Variants in BRINP3 observed in about 807,000 individuals in gnomAD.
The protein encoded by BRINP3 is BMP/retinoic acid-inducible neural-specific protein 3.
BRINP3 carries 19 observed loss-of-function variants against 71.0 expected under a neutral mutation model. That is an observed-to-expected ratio of 0.27 (90% confidence interval 0.19 to 0.39). The LOEUF (loss-of-function observed/expected upper bound fraction) is 0.39. BRINP3 is among the 10% of genes least tolerant of loss of function. BRINP3 has a pLI of 1.00. For missense variants in BRINP3, 959 were observed against 940.8 expected, an observed-to-expected ratio of 1.02 and a Z score of -0.25; for synonymous variants, 380 against 337.7, an observed-to-expected ratio of 1.13 and a Z score of -1.37.
At chr1:190,257,117 G>A (rs551545725) in intron 4 of BRINP3, among the ~76,000 whole-genome samples, 32 of 152,254 alleles carry the variant, frequency 2.1e-4, no homozygotes, top group African/African-American at 7.2e-4. Context: ...TCAGTTTCAC[G>A]TACACCAATC....
intron 4 of BRINP3, among the ~76,000 whole-genome samples, chr1:190,253,097 G>T (rs1007051234): frequency 3.3e-5 from 5 of 152,102 alleles, no homozygotes; most frequent in Non-Finnish European, 7.3e-5. Context: ...TCCCTGCAAA[G>T]GACATGAACT....
In BRINP3 at chr1:190,433,944, T is replaced by A. The variant is rs540866800; in HGVS notation, c.236+20711A>T. On this transcript the variant is annotated intron_variant, in intron 2 of 7. Transcript: ENST00000367462. ...AATATGAGCTACAGAAAGTTCTCTA[T>A]TATCCCCACCCCGGTTTTCTGCGAA... Among the ~76,000 whole-genome samples the A allele has an allele frequency of 1.8e-4, 28 of 152,228 alleles. No homozygotes were observed. The South Asian group carries it at 5.8e-3, about 32-fold the overall frequency.
chr1:190,163,222 G>A (rs1369683720), intron 6 of BRINP3, among the ~76,000 whole-genome samples: 1 of 151,966 alleles, frequency 6.6e-6, no homozygotes, highest in African/African-American at 2.4e-5. Context: ...AATTGTTAGG[G>A]ATGCCAGATA....
chr1:190,403,027 G>A (rs1183211250), intron 2 of BRINP3, among the ~76,000 whole-genome samples: 4 of 152,014 alleles, frequency 2.6e-5, no homozygotes, highest in South Asian at 2.1e-4. Flanking sequence ...TATCTTGTCC[G>A]GCAAAACTTC....
chr1:190,349,748 G>C (rs888373326), intron 2 of BRINP3, among the ~76,000 whole-genome samples: 5 of 152,064 alleles, frequency 3.3e-5, no homozygotes, highest in Admixed American at 3.3e-4. Context: ...AATATGAAAA[G>C]TAAGGATTTC....
At chr1:190,276,570 C>G (rs548940340) in intron 3 of BRINP3, among the ~76,000 whole-genome samples, 2 of 151,534 alleles carry the variant, frequency 1.3e-5, no homozygotes, top group African/African-American at 4.8e-5. Context: ...CACACACACA[C>G]ACACACAATA....
chr1:190,467,530 T>C (rs1342243687), intron 1 of BRINP3, among the ~76,000 whole-genome samples: 1 of 151,496 alleles, frequency 6.6e-6, no homozygotes, highest in Non-Finnish European at 1.5e-5. Flanking sequence ...TTAGAAAACC[T>C]TAGCACAACT....
intron 6 of BRINP3, among the ~76,000 whole-genome samples, chr1:190,194,647 T>G (rs1654323995): frequency 6.6e-6 from 1 of 152,058 alleles, no homozygotes; most frequent in African/African-American, 2.4e-5. Context: ...TTTTTCCTAT[T>G]TACTATTGTT....
At chr1:190,341,960 T>A (rs1424662302) in intron 2 of BRINP3, among the ~76,000 whole-genome samples, 2 of 151,584 alleles carry the variant, frequency 1.3e-5, no homozygotes, top group Non-Finnish European at 2.9e-5. Flanking sequence ...AATCAAAAAG[T>A]GTCAGCAGGA....
intron 1 of BRINP3, among the ~76,000 whole-genome samples, chr1:190,460,591 G>C (rs1016531139): frequency 6.6e-6 from 1 of 152,108 alleles, no homozygotes; most frequent in African/African-American, 2.4e-5. Context: ...TAAGTTTTGA[G>C]ACAGAGGTGG....
At chr1:190,447,473 G>C (rs1488780915) in intron 2 of BRINP3, among the ~76,000 whole-genome samples, 2 of 146,786 alleles carry the variant, frequency 1.4e-5, no homozygotes, top group East Asian at 2.0e-4. Flanking sequence ...GTGGAAAAGG[G>C]AAAGAGATTG....
chr1:190,207,319 G>T (rs1437842890), intron 6 of BRINP3, among the ~76,000 whole-genome samples: 1 of 151,952 alleles, frequency 6.6e-6, no homozygotes, highest in Non-Finnish European at 1.5e-5. Flanking sequence ...CGACAAATTT[G>T]GTCAACCTTT....
intron 4 of BRINP3, among the ~76,000 whole-genome samples, chr1:190,264,063 A>G (rs1156709957): frequency 6.6e-6 from 1 of 152,110 alleles, no homozygotes; most frequent in Non-Finnish European, 1.5e-5. Context: ...CTAGGATCAT[A>G]CTCTTCTGAC....
intron 3 of BRINP3, among the ~76,000 whole-genome samples, chr1:190,280,827 A>G (rs10920684): frequency 6.6e-6 from 1 of 151,670 alleles, no homozygotes; most frequent in Admixed American, 6.6e-5. Context: ...AGTCAAACAC[A>G]AAATTAAATA....
intron 2 of BRINP3, among the ~76,000 whole-genome samples, chr1:190,307,000 T>C (rs749876442): frequency 1.3e-5 from 2 of 151,830 alleles, no homozygotes; most frequent in Admixed American, 6.6e-5. Flanking sequence ...TCCATGAAAC[T>C]CGTGTAGTTC....
chr1:190,362,648 T>C (rs372570424), intron 2 of BRINP3, among the ~76,000 whole-genome samples: 9 of 152,158 alleles, frequency 5.9e-5, no homozygotes, highest in Admixed American at 3.3e-4. Flanking sequence ...CGGTGGGAGA[T>C]AATTAAGTCA....
chr1:190,205,317 G>A (rs1035183471), intron 6 of BRINP3, among the ~76,000 whole-genome samples: 4 of 151,486 alleles, frequency 2.6e-5, no homozygotes, highest in South Asian at 2.1e-4. Flanking sequence ...TTTTCTACCC[G>A]CCACACATGG....
chr1:190,449,913 T>C (rs1386801703), intron 2 of BRINP3, among the ~76,000 whole-genome samples: 1 of 152,200 alleles, frequency 6.6e-6, no homozygotes, highest in Non-Finnish European at 1.5e-5. Flanking sequence ...TAATCATTAA[T>C]ATTAGTACTC....
chr1:190,457,926 A>G (rs1012231409), intron 1 of BRINP3, among the ~76,000 whole-genome samples: 1 of 152,042 alleles, frequency 6.6e-6, no homozygotes, highest in Non-Finnish European at 1.5e-5. Flanking sequence ...CATTAAAAAA[A>G]AAAAAAACTA....
Sources: allele counts gnomAD v4.1 joint callset (sites outside exome capture counted in the v4.1 genomes callset), GRCh38; gene constraint gnomAD v4.1.1; transcripts MANE v1.5; gene names NCBI Gene and HGNC (gene_info 2026-07-23, HGNC 2026-07-21).